The following MAPRE2 variants were observed in gnomAD, a reference collection of about 807,000 sequenced individuals.
MAPRE2 encodes the protein microtubule associated protein RP/EB family member 2.
A neutral mutation model predicts 43.2 loss-of-function variants in MAPRE2; 13 were observed. The ratio of observed to expected loss-of-function variants is 0.30; its 90% CI spans 0.20 to 0.48. The LOEUF (loss-of-function observed/expected upper bound fraction) is 0.48. MAPRE2 is among the 20% of genes least tolerant of loss of function. The probability of loss-of-function intolerance (pLI) is 0.99; values close to 1 mark genes in which losing one functional copy is unlikely to be tolerated. For missense variants in MAPRE2, 161 were observed against 400.2 expected (o/e 0.40, Z 5.10); for synonymous variants, 135 against 148.8 (o/e 0.91, Z 0.68).
intron 2 of MAPRE2, among the ~76,000 whole-genome samples, chr18:35,092,810 CAT>C (rs1908215721): frequency 6.6e-6 from 1 of 152,086 alleles, no homozygotes; most frequent in Non-Finnish European, 1.5e-5. Flanking sequence ...CAAAAGAAAA[CAT>C]ACAAATGGCC....
At chr18:35,131,943 CTCTT>C (rs1285783934) in intron 5 of MAPRE2, 85 bp from the exon 6 acceptor site, 3 of 1,267,120 alleles carry the variant, frequency 2.4e-6, no homozygotes, top group African/African-American at 3.0e-5. Flanking sequence ...CTCTCTCTCT[CTCTT>C]TTGGGTTTTA....
intron 2 of MAPRE2, among the ~76,000 whole-genome samples, chr18:35,078,462 T>G (rs1222933322): frequency 6.6e-6 from 1 of 152,226 alleles, no homozygotes; most frequent in African/African-American, 2.4e-5. Flanking sequence ...AGTGTGTTTT[T>G]ATATGTATTA....
chr18:35,030,170 C>G (rs2150591810), intron 2 of MAPRE2, among the ~76,000 whole-genome samples: 1 of 152,302 alleles, frequency 6.6e-6, no homozygotes, highest in South Asian at 2.1e-4. Flanking sequence ...GCTCCTCTCC[C>G]TCCATTTCTT....
In MAPRE2 at chr18:34,985,328, T is replaced by A. The variant is rs1363196674; in HGVS notation, c.-70+8249T>A. Among the ~76,000 whole-genome samples, 23 of 38,196 alleles carry A rather than the reference T, an allele frequency of 6.0e-4. 1 individual carries two copies. The highest frequency in any genetic ancestry group is 3.4e-3 in the South Asian group (4 of 1,188). The allele number at this position is 38,196 out of a possible 152,430, so 25.1% of individuals were successfully genotyped here. A position where few individuals can be genotyped will look rare whatever the true frequency, so the allele number is the denominator to read the frequency against. On this transcript the variant is annotated intron_variant, in intron 1 of 7. Coordinates refer to the MAPRE2 transcript ENST00000413393. ...TGTATATATTATATTATATATATAATATAATATATAATATATTATATTATA... is the reference window on the plus strand; with the variant it reads ...TGTATATATTATATTATATATATAAAATAATATATAATATATTATATTATA...
chr18:35,041,900 T>C (rs1390307865), intron 1 of MAPRE2: 3 of 876,798 alleles, frequency 3.4e-6, no homozygotes, highest in Non-Finnish European at 5.0e-6. Context: ...GGGGTCTCCC[T>C]CCATCTCTTT....
chr18:35,073,242 T>G (rs1389391292), intron 2 of MAPRE2, among the ~76,000 whole-genome samples: 1 of 152,232 alleles, frequency 6.6e-6, no homozygotes, highest in Non-Finnish European at 1.5e-5. Context: ...CATAATTTAA[T>G]CTGTGACTTT....
At chr18:35,040,623 G>T (rs2097053174), upstream of MAPRE2, among the ~76,000 whole-genome samples, 2 of 152,216 alleles carry the variant, frequency 1.3e-5, no homozygotes, top group Non-Finnish European at 2.9e-5. Flanking sequence ...ACTAAGTGAG[G>T]TGATCACTTT....
At chr18:34,982,704 T>C (rs898290902) in intron 1 of MAPRE2, among the ~76,000 whole-genome samples, 1 of 152,196 alleles carries the variant, frequency 6.6e-6, no homozygotes, top group Non-Finnish European at 1.5e-5. Flanking sequence ...AAACCTAATC[T>C]AGTAATCTAT....
At chr18:35,052,262 G>C (rs1905977105) in intron 1 of MAPRE2, among the ~76,000 whole-genome samples, 1 of 152,164 alleles carries the variant, frequency 6.6e-6, no homozygotes. Context: ...CCAGGAGCCA[G>C]TGATCTGCTT....
At chr18:35,127,225 G>A in intron 5 of MAPRE2, 138 bp downstream of exon 5, 1 of 823,142 alleles carries the variant, frequency 1.2e-6, no homozygotes, top group Non-Finnish European at 1.9e-6. Context: ...AGAATAAAAA[G>A]AATTGTTCGA....
At position 35,102,175 on chromosome 18, in the gene MAPRE2, G is replaced by C. The variant is rs376280335; in HGVS notation, c.610+16G>C. 14 of 1,550,662 alleles carry C rather than the reference G, an allele frequency of 9.0e-6. No individual in the cohort carries two copies. The highest frequency in any genetic ancestry group is 1.1e-5 in the Non-Finnish European group (13 of 1,149,894). On this transcript the variant is annotated intron_variant, in intron 4 of 6. Transcript: ENST00000300249. ...CCCACAGCAGGTATTGTCACAATGAGATTGCGGGAGTTGCTTTCATCTTTG... is the reference window on the plus strand; with the variant it reads ...CCCACAGCAGGTATTGTCACAATGACATTGCGGGAGTTGCTTTCATCTTTG...
intron 1 of MAPRE2, among the ~76,000 whole-genome samples, chr18:35,047,381 T>A (rs966032967): frequency 1.3e-5 from 2 of 152,204 alleles, no homozygotes; most frequent in Non-Finnish European, 2.9e-5. Context: ...GCCCTTTTTC[T>A]TTCTAACACT....
At chr18:34,992,709 T>C (rs1323940458) in intron 1 of MAPRE2, among the ~76,000 whole-genome samples, 1 of 152,208 alleles carries the variant, frequency 6.6e-6, no homozygotes, top group East Asian at 1.9e-4. Context: ...CATTAGCACA[T>C]TGAATTCTTT....
intron 4 of MAPRE2, among the ~76,000 whole-genome samples, chr18:35,125,421 G>C (rs1909864451): frequency 6.6e-6 from 1 of 152,236 alleles, no homozygotes; most frequent in Non-Finnish European, 1.5e-5. Context: ...TGTTTATATA[G>C]TTAGTTAAAC....
intron 2 of MAPRE2, among the ~76,000 whole-genome samples, chr18:35,074,236 A>G (rs901708317): frequency 6.6e-6 from 1 of 152,172 alleles, no homozygotes; most frequent in Admixed American, 6.5e-5. Context: ...GCTTATAGAT[A>G]TTTTATATTT....
intron 1 of MAPRE2, among the ~76,000 whole-genome samples, chr18:34,982,898 T>G (rs918118885): frequency 7.9e-5 from 12 of 152,306 alleles, no homozygotes; most frequent in African/African-American, 2.9e-4. Context: ...AAGAAAATAC[T>G]AGAGGACACT....
At chr18:35,020,035 T>A (rs2097040927) in intron 2 of MAPRE2, among the ~76,000 whole-genome samples, 2 of 152,110 alleles carry the variant, frequency 1.3e-5, no homozygotes. Flanking sequence ...CCTGGCTACT[T>A]GTACTGTGGA....
At chr18:35,110,631 A>C (rs1321126384) in intron 4 of MAPRE2, among the ~76,000 whole-genome samples, 1 of 152,168 alleles carries the variant, frequency 6.6e-6, no homozygotes, top group Non-Finnish European at 1.5e-5. Flanking sequence ...CTGCAGGTCC[A>C]GTGGCAAAAA....
At chr18:35,001,870 T>A (rs1300740429) in intron 1 of MAPRE2, among the ~76,000 whole-genome samples, 2 of 152,198 alleles carry the variant, frequency 1.3e-5, no homozygotes, top group Non-Finnish European at 2.9e-5. Context: ...GATTTAAAAA[T>A]ATATATATTT....
Sources: allele counts gnomAD v4.1 joint callset (sites outside exome capture counted in the v4.1 genomes callset), GRCh38; gene constraint gnomAD v4.1.1; transcripts MANE v1.5; gene names NCBI Gene and HGNC (gene_info 2026-07-23, HGNC 2026-07-21).